Variants in RXRA observed in about 807,000 individuals in gnomAD.
RXRA encodes retinoid X receptor alpha, also known as retinoic acid receptor RXR-alpha.
Under a neutral mutation model 44.5 loss-of-function variants are expected in RXRA, and 5 were observed. That is an observed-to-expected ratio of 0.11 (90% CI 0.06 to 0.24). RXRA has a LOEUF of 0.24. Ranked by LOEUF, RXRA falls within the 10% of genes least tolerant of loss-of-function variation. The probability of loss-of-function intolerance (pLI) is 1.00; values close to 1 mark genes in which losing one functional copy is unlikely to be tolerated. For synonymous variants in RXRA, 291 were observed against 271.4 expected (o/e 1.07, Z -0.71); for missense variants, 412 against 646.5 (o/e 0.64, Z 3.93).
intron 7 of RXRA, among the ~76,000 whole-genome samples, chr9:134,429,738 G>A (rs1831498929): frequency 6.6e-6 from 1 of 152,154 alleles, no homozygotes; most frequent in Non-Finnish European, 1.5e-5. Flanking sequence ...ACTTCTCAGG[G>A]GACACACTGG....
intron 4 of RXRA, among the ~76,000 whole-genome samples, chr9:134,416,702 C>G (rs778123219): frequency 6.6e-6 from 1 of 152,092 alleles, no homozygotes; most frequent in African/African-American, 2.4e-5. Flanking sequence ...ACGGGTGCCC[C>G]TGTGCTGCCT....
rs574866445 is a variant in RXRA, at chr9:134,407,954, C to T, written c.280-195C>T. 6.6e-6 allele frequency among the ~76,000 whole-genome samples: 1 copy of T among 152,046 alleles called. No homozygotes were observed. The highest frequency in any genetic ancestry group is 2.1e-4 in the South Asian group (1 of 4,824). ...AGTCCTGAGGTTGCCACAGCCTCTG[C>T]TGGCCTTGCTGAGCAAGCACAGTGG... On this transcript the variant is annotated intron_variant, in intron 2 of 9. Coordinates refer to ENST00000481739, the MANE Select transcript of RXRA (RefSeq NM_002957.6). This position sits in a 1 kb window ranked among gnomAD's most constrained non-coding sequence, Gnocchi z 4.8.
chr9:134,388,852 G>A (rs1307318671), intron 1 of RXRA, among the ~76,000 whole-genome samples: 3 of 152,214 alleles, frequency 2.0e-5, no homozygotes. Flanking sequence ...TCTGGAGGCT[G>A]TGAGTTCTCT....
chr9:134,371,366 C>G (rs1482954272), intron 1 of RXRA, among the ~76,000 whole-genome samples: 1 of 152,212 alleles, frequency 6.6e-6, no homozygotes, highest in Non-Finnish European at 1.5e-5. Flanking sequence ...CTCTGGCCCC[C>G]CTGGTGTTCA....
intron 1 of RXRA, among the ~76,000 whole-genome samples, chr9:134,399,941 G>A (rs1161541917): frequency 6.6e-6 from 1 of 152,234 alleles, no homozygotes; most frequent in African/African-American, 2.4e-5. Flanking sequence ...GAGCAGGCCT[G>A]AGGCTGCTGG....
rs34747924 is a variant in RXRA, at chr9:134,416,402, A to G, written c.611-756A>G. Among the ~76,000 whole-genome samples, 23 of 152,094 alleles carry G rather than the reference A, an allele frequency of 1.5e-4. No individual in the cohort carries two copies. The East Asian group carries it at 3.5e-3, about 23-fold the overall frequency. ...TCCTGCTGCCTGCAAGCATCGCTCT[A>G]TTTTGTCATAATGCTCGGCTTCTGG... is the stretch of plus-strand genomic sequence containing the variant. On this transcript the variant is annotated intron_variant, in intron 4 of 9. Coordinates refer to ENST00000481739, the MANE Select transcript of RXRA (RefSeq NM_002957.6).
chr9:134,434,960 T>TAAACCAA (rs1831593520), intron 9 of RXRA, among the ~76,000 whole-genome samples: 1 of 152,140 alleles, frequency 6.6e-6, no homozygotes, highest in Non-Finnish European at 1.5e-5. Flanking sequence ...CCCCGCTGCC[T>TAAACCAA]GCCCAGCCCT....
At chr9:134,401,969 G>A (rs916752985) in intron 2 of RXRA, 87 bp downstream of exon 2, 2 of 1,116,302 alleles carry the variant, frequency 1.8e-6, no homozygotes, top group South Asian at 1.6e-5. Context: ...TCATCTTGAG[G>A]CCTCTGGGAG....
chr9:134,338,476 T>C (rs1457626937), intron 1 of RXRA, among the ~76,000 whole-genome samples: 1 of 152,162 alleles, frequency 6.6e-6, no homozygotes, highest in South Asian at 2.1e-4. Flanking sequence ...CCCCAGGCCA[T>C]GGGGTCACAG....
chr9:134,340,898 C>T (rs1284123789), intron 1 of RXRA, among the ~76,000 whole-genome samples: 1 of 152,182 alleles, frequency 6.6e-6, no homozygotes. Flanking sequence ...CTCATGTGAA[C>T]CCTGGAAAGG....
chr9:134,338,507 G>C (rs1830040929), intron 1 of RXRA, among the ~76,000 whole-genome samples: 1 of 152,204 alleles, frequency 6.6e-6, no homozygotes, highest in South Asian at 2.1e-4. Flanking sequence ...TGCCACTCTT[G>C]CTGGCTGGGA....
chr9:134,399,166 G>C (rs1830923171), intron 1 of RXRA, among the ~76,000 whole-genome samples: 2 of 152,244 alleles, frequency 1.3e-5, no homozygotes, highest in African/African-American at 4.8e-5. Context: ...CTCCGGCAGG[G>C]GTCAGCTGAA....
intron 6 of RXRA, chr9:134,423,145 CTG>C (rs1439046840): frequency 1.5e-5 from 15 of 985,330 alleles, no homozygotes; most frequent in Non-Finnish European, 1.8e-5. Flanking sequence ...GGCGTGCTGA[CTG>C]GGGCTGGTTC....
chr9:134,347,161 C>T (rs1338244017), intron 1 of RXRA, among the ~76,000 whole-genome samples: 1 of 140,894 alleles, frequency 7.1e-6, no homozygotes, highest in Non-Finnish European at 1.5e-5. Context: ...ATGGGGGTGG[C>T]AGGCAGGTGG....
At chr9:134,338,891 C>T (rs1208057188) in intron 1 of RXRA, among the ~76,000 whole-genome samples, 1 of 152,240 alleles carries the variant, frequency 6.6e-6, no homozygotes, top group African/African-American at 2.4e-5. Flanking sequence ...AGCCGCCGTT[C>T]TGCCCTCCCT....
rs1159698186 is a variant in RXRA, at chr9:134,349,772, G to A, written c.28+23113G>A. Reference sequence around the variant, plus strand: ...CCCAGGGCTGGGCCAGCCTGGCGGTGTCCACCCAGGAAGGCTGCTTGGAGG... The same window carrying A: ...CCCAGGGCTGGGCCAGCCTGGCGGTATCCACCCAGGAAGGCTGCTTGGAGG... On this transcript the variant is annotated intron_variant, in intron 1 of 9. Transcript: ENST00000481739. This position sits in a 1 kb window ranked among gnomAD's most constrained non-coding sequence, Gnocchi z 4.3. Among the ~76,000 whole-genome samples, 2 of 126,884 alleles carry A rather than the reference G, an allele frequency of 1.6e-5. No homozygotes were observed. The highest frequency in any genetic ancestry group is 3.2e-5 in the Non-Finnish European group (2 of 62,690). 83.2% of individuals were successfully genotyped at this position (126,884 alleles called of 152,430 possible).
At position 134,408,282 on chromosome 9, in the gene RXRA, G is replaced by T; in HGVS notation, c.413G>T (p.Cys138Phe). The T allele has an allele frequency of 1.2e-6, 2 of 1,608,304 alleles. No individual in the cohort carries two copies. The highest frequency in any genetic ancestry group is 1.7e-6 in the Non-Finnish European group (2 of 1,177,802). ...TTCACCAAGCACATCTGCGCCATCT[G>T]CGGGGACCGCTCCTCAGGTACCGCT... ...ASFTKHICAI[C>F]GDRSSGKHYG... Residue 138 changes from cysteine (C) to phenylalanine (F), a missense_variant, in exon 3 of 10, where the codon TGC becomes TTC. Transcript: ENST00000481739.
At chr9:134,420,663 A>G (rs918198317) in intron 5 of RXRA, among the ~76,000 whole-genome samples, 3 of 152,238 alleles carry the variant, frequency 2.0e-5, no homozygotes, top group Non-Finnish European at 4.4e-5. Flanking sequence ...TCCTTGGCAG[A>G]TGCCCTGAAG....
chr9:134,365,788 A>G lies in RXRA; in HGVS notation c.29-35844A>G, dbSNP rs1830407251. ...TGGGTGAGGTGCCCCAGGGGAAGGG[A>G]GGGCCAGCCCAGAAGGACCCTCCCA... On this transcript the variant is annotated intron_variant, in intron 1 of 9. Transcript: ENST00000481739. This position sits in a 1 kb window ranked among gnomAD's most constrained non-coding sequence, Gnocchi z 4.0. Among the ~76,000 whole-genome samples the G allele has an allele frequency of 6.7e-6, 1 of 150,320 alleles. No individual in the cohort carries two copies. The highest frequency in any genetic ancestry group is 1.5e-5 in the Non-Finnish European group (1 of 67,566).
Sources: allele counts gnomAD v4.1 joint callset (sites outside exome capture counted in the v4.1 genomes callset), GRCh38; gene constraint gnomAD v4.1.1; non-coding constraint Gnocchi (gnomAD v3.1); transcripts MANE v1.5; gene names NCBI Gene and HGNC (gene_info 2026-07-23, HGNC 2026-07-21).